Variants in STPG2 observed in about 807,000 individuals in gnomAD.
STPG2 encodes the protein sperm-tail PG-rich repeat-containing protein 2.
A neutral mutation model predicts 54.2 loss-of-function variants in STPG2; 56 were observed. The ratio of observed to expected loss-of-function variants is 1.03; its 90% CI spans 0.83 to 1.29. STPG2 has a LOEUF of 1.29. STPG2 is among the 50% of genes most tolerant of loss of function. The probability of loss-of-function intolerance (pLI) is 0.00; values close to 1 mark genes in which losing one functional copy is unlikely to be tolerated. For synonymous variants in STPG2, 200 were observed against 181.8 expected (o/e 1.10, Z -0.81); for missense variants, 596 against 544.9 (o/e 1.09, Z -0.93).
intron 3 of STPG2, among the ~76,000 whole-genome samples, chr4:98,124,334 G>A (rs11721453): frequency 6.6e-6 from 1 of 151,882 alleles, no homozygotes. Context: ...CTTTCCATAT[G>A]TAGTGCTTCC....
chr4:98,086,816 T>C (rs560292228), intron 5 of STPG2, among the ~76,000 whole-genome samples: 1 of 152,254 alleles, frequency 6.6e-6, no homozygotes, highest in South Asian at 2.1e-4. Flanking sequence ...TCCCATTCTT[T>C]CCCTGCTCCT....
At chr4:97,697,715 A>G (rs1428595842) in intron 10 of STPG2, among the ~76,000 whole-genome samples, 1 of 152,114 alleles carries the variant, frequency 6.6e-6, no homozygotes, top group Non-Finnish European at 1.5e-5. Context: ...TGGCTATGAC[A>G]CCCATGCTGA....
chr4:97,525,558 C>T (rs1489576268), intron 4 of STPG2, among the ~76,000 whole-genome samples: 2 of 151,984 alleles, frequency 1.3e-5, no homozygotes, highest in African/African-American at 2.4e-5. Flanking sequence ...AACATCTACA[C>T]TGTTCGAAGA....
chr4:97,665,194 C>T (rs1486962961), intron 10 of STPG2, among the ~76,000 whole-genome samples: 1 of 152,152 alleles, frequency 6.6e-6, no homozygotes, highest in East Asian at 1.9e-4. Flanking sequence ...TTCTTGTTGC[C>T]TGCAACATGG....
At chr4:97,478,571 T>C (rs1730135699) in intron 4 of STPG2, among the ~76,000 whole-genome samples, 1 of 152,126 alleles carries the variant, frequency 6.6e-6, no homozygotes, top group Admixed American at 6.5e-5. Flanking sequence ...TATTTCAACA[T>C]AGTCTCTAAA....
intron 4 of STPG2, among the ~76,000 whole-genome samples, chr4:97,512,148 A>T (rs1053056319): frequency 2.6e-5 from 4 of 152,128 alleles, no homozygotes; most frequent in Admixed American, 2.6e-4. Context: ...ATTGAATTAG[A>T]AGTGTGTAAA....
chr4:97,727,529 G>A (rs974947058), intron 9 of STPG2, among the ~76,000 whole-genome samples: 1 of 151,902 alleles, frequency 6.6e-6, no homozygotes, highest in Non-Finnish European at 1.5e-5. Flanking sequence ...TTTTTATGCA[G>A]AATGCAAGTT....
intron 10 of STPG2, among the ~76,000 whole-genome samples, chr4:97,660,632 C>G (rs534411081): frequency 1.3e-5 from 2 of 152,068 alleles, no homozygotes; most frequent in African/African-American, 2.4e-5. Flanking sequence ...TCAATTCACA[C>G]GCAAGGCAAG....
chr4:97,799,602 G>C (rs1727314398), intron 9 of STPG2, among the ~76,000 whole-genome samples: 1 of 152,124 alleles, frequency 6.6e-6, no homozygotes, highest in Admixed American at 6.5e-5. Context: ...CTTTCTCTCT[G>C]GCTGCCCTTA....
intron 10 of STPG2, among the ~76,000 whole-genome samples, chr4:97,635,948 C>A (rs937402216): frequency 2.7e-5 from 4 of 146,922 alleles, no homozygotes; most frequent in Non-Finnish European, 6.0e-5. Context: ...AGAAAGTCAA[C>A]AAGGACACCC....
At chr4:97,511,199 A>G (rs1416292197) in intron 4 of STPG2, among the ~76,000 whole-genome samples, 1 of 152,102 alleles carries the variant, frequency 6.6e-6, no homozygotes, top group Non-Finnish European at 1.5e-5. Flanking sequence ...AGACCAAAGT[A>G]CATGCTATTT....
chr4:97,551,881 C>T lies in STPG2; in HGVS notation c.462+160818G>A, dbSNP rs76606653. Among the ~76,000 whole-genome samples the T allele has an allele frequency of 4.2e-3, 633 of 152,212 alleles. 3 individuals are homozygous for T. The highest frequency in any genetic ancestry group is 0.015 in the African/African-American group (605 of 41,528). On this transcript the variant is annotated intron_variant, in intron 4 of 4. Transcript: ENST00000522676. ...GGGTGTCTCACATCCTAGTTATGTGCTTATGGGTCCTTAGGTAATGAGATG... is the reference window on the plus strand; with the variant it reads ...GGGTGTCTCACATCCTAGTTATGTGTTTATGGGTCCTTAGGTAATGAGATG...
At chr4:97,900,782 G>A (rs1368048467) in intron 8 of STPG2, among the ~76,000 whole-genome samples, 1 of 152,026 alleles carries the variant, frequency 6.6e-6, no homozygotes, top group Non-Finnish European at 1.5e-5. Flanking sequence ...GTGGGTGGAG[G>A]GTGGAAGGAA....
chr4:97,455,697 A>G (rs6814818), intron 4 of STPG2, among the ~76,000 whole-genome samples: 35,798 of 152,192 alleles, frequency 0.24, 9,567 homozygotes, highest in African/African-American at 0.66. Flanking sequence ...CAAGAAGCCC[A>G]GGATACAGAA....
At chr4:98,072,401 C>T (rs540569858) in intron 5 of STPG2, among the ~76,000 whole-genome samples, 2 of 151,852 alleles carry the variant, frequency 1.3e-5, no homozygotes, top group Admixed American at 1.3e-4. Context: ...CACACTGGGG[C>T]CTGTGGGGTG....
intron 10 of STPG2, among the ~76,000 whole-genome samples, chr4:97,701,432 C>G (rs913124121): frequency 1.3e-5 from 2 of 152,162 alleles, no homozygotes; most frequent in African/African-American, 4.8e-5. Context: ...TCAGTAGTCC[C>G]CAAAATGTCT....
intron 10 of STPG2, among the ~76,000 whole-genome samples, chr4:97,580,066 T>C (rs1040802369): frequency 6.6e-6 from 1 of 152,004 alleles, no homozygotes; most frequent in Non-Finnish European, 1.5e-5. Context: ...TTTCAGTGGG[T>C]ATTTAATGCA....
intron 10 of STPG2, among the ~76,000 whole-genome samples, chr4:97,712,274 A>G (rs1281128095): frequency 6.6e-6 from 1 of 152,144 alleles, no homozygotes; most frequent in Non-Finnish European, 1.5e-5. Flanking sequence ...ACTTAAATAC[A>G]GCATCCATGT....
At chr4:97,845,606 A>G (rs765957983) in intron 8 of STPG2, among the ~76,000 whole-genome samples, 77 of 152,190 alleles carry the variant, frequency 5.1e-4, no homozygotes, top group Admixed American at 1.1e-3. Context: ...TTACTTCTAA[A>G]TTGCTTTTTG....
Sources: allele counts gnomAD v4.1 joint callset (sites outside exome capture counted in the v4.1 genomes callset), GRCh38; gene constraint gnomAD v4.1.1; transcripts MANE v1.5; gene names NCBI Gene and HGNC (gene_info 2026-07-23, HGNC 2026-07-21).